Variants in ALKAL1 observed in about 807,000 individuals in gnomAD.
The protein encoded by ALKAL1 is AUG-beta.
ALKAL1 carries 23 observed loss-of-function variants against 13.5 expected under a neutral mutation model. The ratio of observed to expected loss-of-function variants is 1.70; its 90% CI spans 1.23 to 2.41. ALKAL1 has a LOEUF of 2.41. Among genes scored for constraint, ALKAL1 ranks in the 30% most tolerant of loss-of-function variants. The probability of loss-of-function intolerance (pLI) is 0.00; values close to 1 mark genes in which losing one functional copy is unlikely to be tolerated. For synonymous variants in ALKAL1, 85 were observed against 77.7 expected (o/e 1.09, Z -0.49); for missense variants, 181 against 178.4 (o/e 1.01, Z -0.08).
Position 52,544,400 on chromosome 8 carries a change from A to G in ALKAL1, c.191-1955T>C, listed in dbSNP as rs529060359. 2.6e-5 allele frequency among the ~76,000 whole-genome samples: 4 copies of G among 152,328 alleles called. No homozygotes were observed. In the South Asian group the frequency reaches 8.3e-4, roughly 32 times the overall value. On this transcript the variant is annotated intron_variant, in intron 1 of 4. Coordinates refer to ENST00000358543, the MANE Select transcript of ALKAL1 (RefSeq NM_207413.4). ...GTAAGAAGAGATGGGAATGGGGAAG[A>G]CTGCAGCGTGTTCAAGTATTGGGGG...
chr8:52,536,079 C>T (rs1469376346), intron 4 of ALKAL1, among the ~76,000 whole-genome samples: 1 of 152,152 alleles, frequency 6.6e-6, no homozygotes, highest in African/African-American at 2.4e-5. Context: ...GCTGGGACTA[C>T]AGGCACGCAC....
At chr8:52,543,182 G>A (rs915612929) in intron 1 of ALKAL1, among the ~76,000 whole-genome samples, 1 of 152,232 alleles carries the variant, frequency 6.6e-6, no homozygotes, top group African/African-American at 2.4e-5. Flanking sequence ...GGGAGCATGT[G>A]CAACTCTTTC....
At chr8:52,563,839 G>A (rs1221898470) in intron 1 of ALKAL1, among the ~76,000 whole-genome samples, 1 of 152,076 alleles carries the variant, frequency 6.6e-6, no homozygotes, top group African/African-American at 2.4e-5. Flanking sequence ...CCCAGGGCAG[G>A]ACACCCTGCT....
At chr8:52,538,680 AGGTGCTATTCCTATCTT>A (rs1847286031) in intron 3 of ALKAL1, among the ~76,000 whole-genome samples, 173 bp from the exon 4 acceptor site, 1 of 152,178 alleles carries the variant, frequency 6.6e-6, no homozygotes, top group Non-Finnish European at 1.5e-5. Flanking sequence ...ACAATCGGGA[AGGTGCTATTCCTATCTT>A]CACTTTAGAG....
At chr8:52,540,173 T>C in intron 2 of ALKAL1, among the ~76,000 whole-genome samples, 1 of 151,966 alleles carries the variant, frequency 6.6e-6, no homozygotes, top group Non-Finnish European at 1.5e-5. Context: ...TCTAGAAAAA[T>C]TAGAAGGAAA....
intron 4 of ALKAL1, among the ~76,000 whole-genome samples, chr8:52,536,334 T>G (rs1847266983): frequency 6.6e-6 from 1 of 152,230 alleles, no homozygotes; most frequent in Non-Finnish European, 1.5e-5. Flanking sequence ...CCAAAAAAAG[T>G]TGACTTGGTA....
At chr8:52,555,102 C>T (rs550419581) in intron 1 of ALKAL1, among the ~76,000 whole-genome samples, 7 of 149,802 alleles carry the variant, frequency 4.7e-5, no homozygotes, top group East Asian at 3.9e-4. Flanking sequence ...ACCTGGGAGG[C>T]GGAGCTTGCA....
chr8:52,565,041 G>T, intron 1 of ALKAL1, 26 bp downstream of exon 1: 9 of 1,357,498 alleles, frequency 6.6e-6, no homozygotes, highest in Non-Finnish European at 7.6e-6. Flanking sequence ...CAGGGCAAAG[G>T]ATGGGGCGGG....
At chr8:52,555,665 T>G (rs188340609) in intron 1 of ALKAL1, among the ~76,000 whole-genome samples, 136 of 152,284 alleles carry the variant, frequency 8.9e-4, no homozygotes, top group South Asian at 1.9e-3. Flanking sequence ...GGCCAGGTAC[T>G]CGACAACTAG....
chr8:52,538,333 T>C (rs1590864540), intron 4 of ALKAL1, 98 bp downstream of exon 4: 1 of 707,304 alleles, frequency 1.4e-6, no homozygotes, highest in Non-Finnish European at 2.5e-6. Context: ...CCCATAAATA[T>C]GTACAATCAT....
Position 52,565,388 on chromosome 8 carries a change from G to A in ALKAL1, c.-132C>T. ...CGGCCGGCCGCAGTCTTCACCGCGC[G>A]CCTGCCCTTGTCTACGTCCCGGGGG... On this transcript the variant is annotated 5_prime_UTR_variant, in exon 1 of 5. Coordinates refer to ENST00000358543, the MANE Select transcript of ALKAL1 (RefSeq NM_207413.4). The A allele has an allele frequency of 1.6e-6, 1 of 641,152 alleles. No individual in the cohort carries two copies. Among genetic ancestry groups the A allele is most frequent in the South Asian group, 7.3e-5 (1 of 13,740 alleles). The allele number at this position is 641,152 out of a possible 1,614,324, so 39.7% of individuals were successfully genotyped here.
chr8:52,539,580 A>C (rs1409965360), intron 3 of ALKAL1, among the ~76,000 whole-genome samples: 1 of 152,142 alleles, frequency 6.6e-6, no homozygotes, highest in Non-Finnish European at 1.5e-5. Flanking sequence ...AATCCTAACA[A>C]ACACTTTAGT....
At chr8:52,543,450 A>G (rs560110908) in intron 1 of ALKAL1, among the ~76,000 whole-genome samples, 1 of 152,272 alleles carries the variant, frequency 6.6e-6, no homozygotes, top group Admixed American at 6.5e-5. Flanking sequence ...GGACGTGGGA[A>G]CACTTCCCTG....
intron 1 of ALKAL1, among the ~76,000 whole-genome samples, chr8:52,563,362 C>T (rs371056016): frequency 4.6e-5 from 7 of 152,076 alleles, no homozygotes; most frequent in East Asian, 1.9e-4. Flanking sequence ...ACCCGGGAGG[C>T]GGAGGTTGCA....
At chr8:52,556,863 G>A (rs1436731123) in intron 1 of ALKAL1, among the ~76,000 whole-genome samples, 2 of 151,908 alleles carry the variant, frequency 1.3e-5, no homozygotes, top group Non-Finnish European at 2.9e-5. Context: ...ATTCTTTAAG[G>A]TGTGGCTATT....
intron 4 of ALKAL1, among the ~76,000 whole-genome samples, chr8:52,535,187 AAACAT>A (rs766178550): frequency 2.6e-5 from 4 of 152,198 alleles, no homozygotes; most frequent in Non-Finnish European, 5.9e-5. Context: ...AGAAAGAGAT[AAACAT>A]AACTTGGTTT....
intron 1 of ALKAL1, among the ~76,000 whole-genome samples, chr8:52,549,604 T>C (rs2150345924): frequency 1.3e-5 from 2 of 152,218 alleles, no homozygotes; most frequent in East Asian, 3.9e-4. Flanking sequence ...CTTTTAAATA[T>C]ATTAAAGTTG....
chr8:52,552,731 A>C (rs778868553), intron 1 of ALKAL1, among the ~76,000 whole-genome samples: 2 of 152,084 alleles, frequency 1.3e-5, no homozygotes, highest in Non-Finnish European at 2.9e-5. Context: ...GTCATTAGTA[A>C]GTTTTTGTTG....
intron 1 of ALKAL1, among the ~76,000 whole-genome samples, chr8:52,564,300 T>C (rs1475966019): frequency 6.6e-6 from 1 of 152,124 alleles, no homozygotes; most frequent in African/African-American, 2.4e-5. Context: ...CACCTTCCTT[T>C]CCTGCGTGTC....
Sources: allele counts gnomAD v4.1 joint callset (sites outside exome capture counted in the v4.1 genomes callset), GRCh38; gene constraint gnomAD v4.1.1; transcripts MANE v1.5; gene names NCBI Gene and HGNC (gene_info 2026-07-23, HGNC 2026-07-21).